SAMD5: variants seen among roughly 807,000 people sequenced by gnomAD.
The protein encoded by SAMD5 is sterile alpha motif domain containing 5, also known as sterile alpha motif domain-containing protein 5.
In SAMD5, 13 loss-of-function variants were observed where a neutral mutation model predicts 11.3. That is an observed-to-expected ratio of 1.15 (90% CI 0.75 to 1.83). The LOEUF (loss-of-function observed/expected upper bound fraction) is 1.83, where lower values mean the gene tolerates loss of function less well. Ranked by LOEUF, SAMD5 falls within the 40% of genes most tolerant of loss-of-function variation. SAMD5 has a pLI of 0.00. For synonymous variants in SAMD5, 129 were observed against 111.3 expected (o/e 1.16, Z -1.00); for missense variants, 255 against 239.1 (o/e 1.07, Z -0.44).
At chr6:147,740,630 A>G (rs1227344565), downstream of SAMD5, among the ~76,000 whole-genome samples, 1 of 152,178 alleles carries the variant, frequency 6.6e-6, no homozygotes, top group African/African-American at 2.4e-5. Flanking sequence ...ACCTTTCTGG[A>G]ATTCAGCTCT....
At chr6:147,915,902 T>A in the SAMD5 span, among the ~76,000 whole-genome samples, 38 of 80,394 alleles carry the variant, frequency 4.7e-4, no homozygotes, top group South Asian at 0.013. Context: ...CCCTCCCCCC[T>A]CCCCCCACCC....
chr6:147,625,305 A>C (rs1216236622), intron 1 of SAMD5, among the ~76,000 whole-genome samples: 1 of 152,084 alleles, frequency 6.6e-6, no homozygotes, highest in Non-Finnish European at 1.5e-5. Flanking sequence ...TCCATTTCTG[A>C]TGCTTTCGTA....
chr6:147,602,984 C>G (rs187328920), intron 1 of SAMD5, among the ~76,000 whole-genome samples: 1 of 151,998 alleles, frequency 6.6e-6, no homozygotes, highest in African/African-American at 2.4e-5. Flanking sequence ...TAAGAATCAA[C>G]TGAAATGGAA....
At chr6:147,515,482 A>G (rs1355718304) in intron 1 of SAMD5, among the ~76,000 whole-genome samples, 1 of 151,710 alleles carries the variant, frequency 6.6e-6, no homozygotes, top group Non-Finnish European at 1.5e-5. Flanking sequence ...CCATTCATTT[A>G]TTCATTCATC....
chr6:147,821,161 C>T, the SAMD5 span, among the ~76,000 whole-genome samples: 14 of 152,176 alleles, frequency 9.2e-5, no homozygotes, highest in African/African-American at 2.9e-4. Context: ...TATTTTATAA[C>T]TTCATCATAC....
chr6:147,555,158 A>C, intron 1 of SAMD5, among the ~76,000 whole-genome samples: 1 of 152,310 alleles, frequency 6.6e-6, no homozygotes, highest in East Asian at 1.9e-4. Flanking sequence ...TGTGTACATG[A>C]TTTTGAATAT....
At chr6:147,897,943 TAAAAAAAAAAA>T in the SAMD5 span, among the ~76,000 whole-genome samples, 2,306 of 89,606 alleles carry the variant, frequency 0.026, 73 homozygotes, top group African/African-American at 0.049. Flanking sequence ...AGATTTTTCT[TAAAAAAAAAAA>T]AAAAAAAAAA....
At chr6:147,884,494 C>T in the SAMD5 span, among the ~76,000 whole-genome samples, 847 of 152,236 alleles carry the variant, frequency 5.6e-3, 6 homozygotes, top group African/African-American at 0.02. Flanking sequence ...TAATACCTCC[C>T]CTAATTAATA....
chr6:147,550,122 A>G (rs1224078988), intron 1 of SAMD5, among the ~76,000 whole-genome samples: 1 of 151,934 alleles, frequency 6.6e-6, no homozygotes, highest in Non-Finnish European at 1.5e-5. Flanking sequence ...GCCCACTTGT[A>G]GTTTGAGCTA....
chr6:147,933,566 A>G, the SAMD5 span, among the ~76,000 whole-genome samples: 1 of 152,180 alleles, frequency 6.6e-6, no homozygotes, highest in Non-Finnish European at 1.5e-5. Context: ...ATTCCTATCC[A>G]GCTTTGTGTC....
intron 1 of SAMD5, among the ~76,000 whole-genome samples, chr6:147,689,473 G>A (rs1012657874): frequency 1.1e-4 from 16 of 152,096 alleles, no homozygotes; most frequent in African/African-American, 3.9e-4. Context: ...TTTGCTAGTA[G>A]GAGGATTAAA....
chr6:147,670,248 T>C (rs1008435984), intron 1 of SAMD5, among the ~76,000 whole-genome samples: 5 of 152,216 alleles, frequency 3.3e-5, no homozygotes, highest in African/African-American at 9.6e-5. Context: ...AGAGATGTGT[T>C]GTTAGGCAGG....
chr6:147,632,376 C>T (rs1308122179), intron 1 of SAMD5, among the ~76,000 whole-genome samples: 2 of 152,156 alleles, frequency 1.3e-5, no homozygotes, highest in African/African-American at 2.4e-5. Flanking sequence ...AATATTGACG[C>T]ATAGTCCTTT....
rs1791402270 is a variant in SAMD5 at position 147,711,670 on chromosome 6, G to A, written c.163-25647G>A. 6.6e-6 allele frequency among the ~76,000 whole-genome samples: 1 copy of A among 152,118 alleles called. No individual in the cohort carries two copies. Among genetic ancestry groups the A allele is most frequent in the Non-Finnish European group, 1.5e-5 (1 of 68,030 alleles). On this transcript the variant is annotated intron_variant, in intron 1 of 1. Transcript: ENST00000566741. The surrounding 1 kb of genome is among the most constrained non-coding windows in gnomAD (Gnocchi z 4.1). ...AATAGTGGTTTGCATTCTTCAAAGG[G>A]GTCATTGCTGAATTTGTAATCAGAT... is the stretch of plus-strand genomic sequence containing the variant.
At chr6:147,860,850 T>C in the SAMD5 span, among the ~76,000 whole-genome samples, 1 of 152,220 alleles carries the variant, frequency 6.6e-6, no homozygotes, top group East Asian at 1.9e-4. Context: ...AATATGTCAT[T>C]TCAAAATGGA....
At chr6:147,866,322 G>GAT in the SAMD5 span, among the ~76,000 whole-genome samples, 8 of 152,190 alleles carry the variant, frequency 5.3e-5, no homozygotes, top group Admixed American at 3.9e-4. Flanking sequence ...ACATGGGAAG[G>GAT]ATACGTTTCC....
chr6:147,918,792 G>A, the SAMD5 span, among the ~76,000 whole-genome samples: 1 of 150,018 alleles, frequency 6.7e-6, no homozygotes, highest in Admixed American at 6.7e-5. Context: ...CTGCCTCCTG[G>A]GTTCAAGCAG....
the SAMD5 span, among the ~76,000 whole-genome samples, chr6:147,790,673 G>A: frequency 6.6e-6 from 1 of 151,852 alleles, no homozygotes; most frequent in East Asian, 1.9e-4. Flanking sequence ...TCTGCCTTCA[G>A]TATTAGAGGG....
In SAMD5 at chr6:147,565,423, A is replaced by C. The variant is rs1423871212; in HGVS notation, c.*967A>C. Reference sequence around the variant, plus strand: ...ATTAACAGGAATCTAGAGTTTTTCTAATTCTTATCGTCTTATCGTTCTTGT... The same window carrying C: ...ATTAACAGGAATCTAGAGTTTTTCTCATTCTTATCGTCTTATCGTTCTTGT... On this transcript the variant is annotated 3_prime_UTR_variant, in exon 2 of 2. Transcript: ENST00000367474. The C allele has an allele frequency of 1.0e-6, 1 of 984,910 alleles. No homozygotes were observed. The allele number at this position is 984,910 out of a possible 1,614,324, so 61.0% of individuals were successfully genotyped here.
Sources: allele counts gnomAD v4.1 joint callset (sites outside exome capture counted in the v4.1 genomes callset), GRCh38; gene constraint gnomAD v4.1.1; non-coding constraint Gnocchi (gnomAD v3.1); transcripts MANE v1.5; gene names NCBI Gene and HGNC (gene_info 2026-07-23, HGNC 2026-07-21).